DOCK4: variants seen among roughly 807,000 people sequenced by gnomAD.
DOCK4 encodes the protein dedicator of cytokinesis 4, also known as dedicator of cytokinesis protein 4.
In DOCK4, 97 loss-of-function variants were observed where a neutral mutation model predicts 268.1. The observed-to-expected ratio is 0.36, with a 90% CI of 0.31 to 0.43. The LOEUF is 0.43. Ranked by LOEUF, DOCK4 falls within the 20% of genes least tolerant of loss-of-function variation. DOCK4 has a pLI of 1.00. For synonymous variants in DOCK4, 954 were observed against 887.2 expected (o/e 1.08, Z -1.34); for missense variants, 2,145 against 2,455.7 (o/e 0.87, Z 2.67).
intron 1 of DOCK4, among the ~76,000 whole-genome samples, chr7:112,097,775 A>G (rs1019274769): frequency 3.9e-5 from 6 of 152,306 alleles, no homozygotes; most frequent in African/African-American, 1.4e-4. Context: ...TCCTATTACT[A>G]CCCTGAGATG....
intron 1 of DOCK4, among the ~76,000 whole-genome samples, chr7:112,131,499 T>A (rs1398024989): frequency 1.3e-5 from 2 of 152,132 alleles, no homozygotes; most frequent in Admixed American, 1.3e-4. Context: ...GGTGCCCATG[T>A]CTTATTTCTC....
chr7:112,064,979 C>T (rs1295237233), intron 1 of DOCK4, among the ~76,000 whole-genome samples: 2 of 152,152 alleles, frequency 1.3e-5, no homozygotes, highest in Non-Finnish European at 2.9e-5. Flanking sequence ...GGACTTCTAG[C>T]TTCTAGAACT....
intron 1 of DOCK4, among the ~76,000 whole-genome samples, chr7:112,189,221 G>C (rs1462517222): frequency 1.3e-5 from 2 of 152,082 alleles, no homozygotes; most frequent in Non-Finnish European, 2.9e-5. Flanking sequence ...TGCATATTTG[G>C]TAGGAGTTTT....
chr7:112,059,134 CTTTTTTTTTTTTTT>C (rs572050793), intron 1 of DOCK4, among the ~76,000 whole-genome samples: 2 of 98,978 alleles, frequency 2.0e-5, no homozygotes, highest in Non-Finnish European at 3.5e-5. Context: ...GCAGCATTTC[CTTTTTTTTTTTTTT>C]TTTTTTTTTT....
At chr7:111,762,220 A>G (rs535135720) in intron 39 of DOCK4, among the ~76,000 whole-genome samples, 2 of 152,210 alleles carry the variant, frequency 1.3e-5, no homozygotes, top group South Asian at 4.1e-4. Flanking sequence ...TTATTGAGAT[A>G]TAATTCACAT....
chr7:112,143,178 C>T (rs1815096440), intron 1 of DOCK4, among the ~76,000 whole-genome samples: 1 of 151,664 alleles, frequency 6.6e-6, no homozygotes, highest in Non-Finnish European at 1.5e-5. Context: ...AGAACATCTC[C>T]TCTGGGCCAC....
At chr7:111,960,931 G>T (rs1796829694) in intron 8 of DOCK4, among the ~76,000 whole-genome samples, 1 of 152,102 alleles carries the variant, frequency 6.6e-6, no homozygotes, top group Non-Finnish European at 1.5e-5. Flanking sequence ...TTCATCTGTT[G>T]ATGGACACTT....
chr7:112,063,938 G>C (rs980488381), intron 1 of DOCK4, among the ~76,000 whole-genome samples: 2 of 152,066 alleles, frequency 1.3e-5, no homozygotes, highest in Non-Finnish European at 2.9e-5. Context: ...AAAGGGAAGG[G>C]GCTATCTTTG....
intron 1 of DOCK4, among the ~76,000 whole-genome samples, chr7:112,132,852 T>A (rs1052361299): frequency 6.6e-6 from 1 of 152,128 alleles, no homozygotes; most frequent in Non-Finnish European, 1.5e-5. Flanking sequence ...CAGACCCACT[T>A]TCGCTGCAGG....
intron 1 of DOCK4, among the ~76,000 whole-genome samples, chr7:112,151,595 A>G (rs1290752901): frequency 5.3e-5 from 8 of 152,144 alleles, no homozygotes; most frequent in Non-Finnish European, 1.2e-4. Context: ...CAGTAGTAGC[A>G]CATCTTTCCC....
At chr7:111,930,298 T>G (rs1157654884) in intron 12 of DOCK4, among the ~76,000 whole-genome samples, 1 of 152,218 alleles carries the variant, frequency 6.6e-6, no homozygotes, top group Non-Finnish European at 1.5e-5. Flanking sequence ...AGATAGTGGT[T>G]AATGTACCTT....
In DOCK4 at chr7:111,869,562, G is replaced by T; in HGVS notation, c.2109+12C>A. On this transcript the variant is annotated intron_variant, in intron 21 of 52. Transcript: ENST00000428084. ...TTGTTAGACTCTGCTGTTATCAACAGCATGTTATCACCTTCAGCACCTCCT... is the reference window on the plus strand; with the variant it reads ...TTGTTAGACTCTGCTGTTATCAACATCATGTTATCACCTTCAGCACCTCCT... 1 of 1,612,546 alleles carries T rather than the reference G, an allele frequency of 6.2e-7. No individual in the cohort carries two copies. Among genetic ancestry groups the T allele is most frequent in the Non-Finnish European group, 8.5e-7 (1 of 1,178,806 alleles).
chr7:112,131,542 CAAT>C (rs1813798975), intron 1 of DOCK4, among the ~76,000 whole-genome samples: 1 of 152,124 alleles, frequency 6.6e-6, no homozygotes, highest in African/African-American at 2.4e-5. Context: ...CAATACCTCT[CAAT>C]AAATGTTTTT....
intron 1 of DOCK4, among the ~76,000 whole-genome samples, chr7:112,172,773 G>A (rs1160972371): frequency 6.6e-6 from 1 of 152,182 alleles, no homozygotes; most frequent in African/African-American, 2.4e-5. Context: ...AAGCCGGGAA[G>A]AACAGTAGAT....
chr7:111,870,624 TTCTTG>T (rs1806346171), intron 20 of DOCK4, among the ~76,000 whole-genome samples: 1 of 152,118 alleles, frequency 6.6e-6, no homozygotes, highest in Non-Finnish European at 1.5e-5. Flanking sequence ...GCCCAGCCAG[TTCTTG>T]GTTTCTAGGA....
chr7:111,810,935 G>T (rs1174819313), intron 28 of DOCK4, among the ~76,000 whole-genome samples: 1 of 152,170 alleles, frequency 6.6e-6, no homozygotes, highest in Non-Finnish European at 1.5e-5. Context: ...CTGGGAGGCG[G>T]AGGTGGCAGT....
chr7:112,154,310 T>C (rs1269925569), intron 1 of DOCK4, among the ~76,000 whole-genome samples: 1 of 152,142 alleles, frequency 6.6e-6, no homozygotes. Context: ...AAAGAATAAG[T>C]AATCTTTAAA....
rs144110409 is a variant in DOCK4 at position 111,895,986 on chromosome 7, C to G, written c.1481-268G>C. On this transcript the variant is annotated intron_variant, in intron 15 of 52. Coordinates refer to ENST00000428084, the MANE Select transcript of DOCK4 (RefSeq NM_001363540.2). ...GCTTTTTAAAAAATTTGTGGATTGC[C>G]TGTTTCTTCTTTTTACCCCAAAGTC... Among the ~76,000 whole-genome samples the G allele has an allele frequency of 5.3e-4, 80 of 152,218 alleles. 1 individual carries two copies. The East Asian group carries it at 0.011, about 21-fold the overall frequency.
At chr7:112,202,833 C>A (rs1381293283) in intron 1 of DOCK4, among the ~76,000 whole-genome samples, 1 of 150,916 alleles carries the variant, frequency 6.6e-6, no homozygotes, top group Non-Finnish European at 1.5e-5. Flanking sequence ...ATTTAAAAAA[C>A]AAACAAAATG....
Sources: allele counts gnomAD v4.1 joint callset (sites outside exome capture counted in the v4.1 genomes callset), GRCh38; gene constraint gnomAD v4.1.1; transcripts MANE v1.5; gene names NCBI Gene and HGNC (gene_info 2026-07-23, HGNC 2026-07-21).